Variants in WDR33 observed in about 807,000 individuals in gnomAD.
The protein encoded by WDR33 is WD repeat domain 33, also known as pre-mRNA 3' end processing protein WDR33.
Under a neutral mutation model 164.9 loss-of-function variants are expected in WDR33, and 47 were observed. The ratio of observed to expected loss-of-function variants is 0.29; its 90% CI spans 0.23 to 0.36. The LOEUF (loss-of-function observed/expected upper bound fraction) is 0.36. WDR33 is among the 10% of genes least tolerant of loss of function. WDR33 has a pLI of 1.00. For synonymous variants in WDR33, 505 were observed against 589.0 expected, an observed-to-expected ratio of 0.86 and a Z score of 2.06; for missense variants, 1,137 against 1,754.1, an observed-to-expected ratio of 0.65 and a Z score of 6.28.
Position 127,712,874 on chromosome 2 carries a change from C to T in WDR33, c.3308+709G>A, listed in dbSNP as rs1686214552. Among the ~76,000 whole-genome samples, 1 of 152,194 alleles carries T rather than the reference C, an allele frequency of 6.6e-6. No homozygotes were observed. Among genetic ancestry groups the T allele is most frequent in the Admixed American group, 6.5e-5 (1 of 15,278 alleles). Reference sequence around the variant, plus strand: ...GCCTCAGCTGATCCTCCCACCTCAGCTTCCTGAGTAGCTAGGACTACAGGC... The same window carrying T: ...GCCTCAGCTGATCCTCCCACCTCAGTTTCCTGAGTAGCTAGGACTACAGGC... On this transcript the variant is annotated intron_variant, in intron 18 of 21. Coordinates refer to ENST00000322313, the MANE Select transcript of WDR33 (RefSeq NM_018383.5). This position sits in a 1 kb window ranked among gnomAD's most constrained non-coding sequence, Gnocchi z 4.0.
intron 7 of WDR33, among the ~76,000 whole-genome samples, chr2:127,761,105 T>C (rs1020623045): frequency 5.3e-5 from 8 of 152,236 alleles, no homozygotes; most frequent in Admixed American, 1.3e-4. Context: ...CGTTATCACA[T>C]AGATTTCCTT....
rs1196128883 is a variant in WDR33, at chr2:127,708,980, G to A, written c.3566-88C>T. ...ACACTGTGAGAGTAAGGAGCAACTC[G>A]AGAGCCACCGTTCACTCATGCTGAA... On this transcript the variant is annotated intron_variant, in intron 20 of 21. Transcript: ENST00000322313. This position sits in a 1 kb window ranked among gnomAD's most constrained non-coding sequence, Gnocchi z 6.7. 17 of 1,346,348 alleles carry A rather than the reference G, an allele frequency of 1.3e-5. No individual in the cohort carries two copies. In the East Asian group the frequency reaches 3.1e-4, roughly 25 times the overall value. The allele number at this position is 1,346,348 out of a possible 1,614,324, so 83.4% of individuals were successfully genotyped here. A position where few individuals can be genotyped will look rare whatever the true frequency, so the allele number is the denominator to read the frequency against.
In WDR33 at chr2:127,721,819, T is replaced by C; in HGVS notation, c.1671+17A>G. On this transcript the variant is annotated intron_variant, in intron 15 of 21. Transcript: ENST00000322313. The surrounding 1 kb of genome is among the most constrained non-coding windows in gnomAD (Gnocchi z 4.9). ...TCTTAGATCATCTTGAATTCCCCCC[T>C]ACAGAGCTTCACACACCTCCAGAAG... 6.2e-7 allele frequency: 1 copy of C among 1,603,780 alleles called. No homozygotes were observed. Among genetic ancestry groups the C allele is most frequent in the Non-Finnish European group, 8.5e-7 (1 of 1,176,388 alleles).
At chr2:127,791,403 C>A (rs910599918) in intron 1 of WDR33, among the ~76,000 whole-genome samples, 2 of 152,078 alleles carry the variant, frequency 1.3e-5, no homozygotes, top group African/African-American at 4.8e-5. Context: ...TGGCTTTAAA[C>A]CACAGAAATT....
At chr2:127,795,642 A>G (rs1689010074) in intron 1 of WDR33, among the ~76,000 whole-genome samples, 1 of 149,414 alleles carries the variant, frequency 6.7e-6, no homozygotes, top group Admixed American at 6.7e-5. Flanking sequence ...GCAACATGGC[A>G]AAACCTCCTT....
Position 127,709,640 on chromosome 2 carries a change from G to C in WDR33, c.3472+53C>G. 6.2e-7 allele frequency: 1 copy of C among 1,613,656 alleles called. No individual in the cohort carries two copies. Among genetic ancestry groups the C allele is most frequent in the Non-Finnish European group, 8.5e-7 (1 of 1,179,562 alleles). The stretch of plus-strand genomic sequence containing the variant: ...ACTGTTCCTGGTGTATTCACAACCA[G>C]TGTATTCTGCACCCTATCCTTCCAG... On this transcript the variant is annotated intron_variant, in intron 19 of 21. Transcript: ENST00000322313. This position sits in a 1 kb window ranked among gnomAD's most constrained non-coding sequence, Gnocchi z 5.0.
At chr2:127,747,167 C>T (rs952029167) in intron 7 of WDR33, among the ~76,000 whole-genome samples, 4 of 152,170 alleles carry the variant, frequency 2.6e-5, no homozygotes, top group African/African-American at 9.7e-5. Flanking sequence ...ATTCTGGCAT[C>T]TACACAATTT....
intron 7 of WDR33, among the ~76,000 whole-genome samples, chr2:127,750,856 A>AT (rs1274630165): frequency 6.7e-6 from 1 of 150,274 alleles, no homozygotes; most frequent in Non-Finnish European, 1.5e-5. Flanking sequence ...GTAAAAATAA[A>AT]TAAAACAGCT....
chr2:127,741,689 C>A lies in WDR33; in HGVS notation c.725-14912G>T, dbSNP rs1006540607. ...GCGTTATTTGAGAAAAAGCAAGTAC[C>A]AGGAAAGAGAAAAATACAGATTATA... On this transcript the variant is annotated intron_variant, in intron 7 of 21. Transcript: ENST00000322313. The surrounding 1 kb of genome is among the most constrained non-coding windows in gnomAD (Gnocchi z 4.1). 3.9e-5 allele frequency among the ~76,000 whole-genome samples: 6 copies of A among 152,100 alleles called. No homozygotes were observed. The highest frequency in any genetic ancestry group is 1.4e-4 in the African/African-American group (6 of 41,426).
At chr2:127,751,536 G>A (rs1037637600) in intron 7 of WDR33, among the ~76,000 whole-genome samples, 1 of 150,020 alleles carries the variant, frequency 6.7e-6, no homozygotes, top group Non-Finnish European at 1.5e-5. Context: ...GGGCAACAGA[G>A]CGAAATCCTG....
At chr2:127,711,781 T>TA (rs1491108798) in intron 18 of WDR33, among the ~76,000 whole-genome samples, 2,324 of 93,162 alleles carry the variant, frequency 0.025, 40 homozygotes, top group Non-Finnish European at 0.03. Context: ...TATATATATA[T>TA]TTTTTTTTTG....
At position 127,719,329 on chromosome 2, in the gene WDR33, G is replaced by A. The variant is rs956788436; in HGVS notation, c.2696C>T (p.Pro899Leu). 30 of 1,487,768 alleles carry A rather than the reference G, an allele frequency of 2.0e-5. No individual in the cohort carries two copies. The highest frequency in any genetic ancestry group is 2.5e-5 in the Non-Finnish European group (28 of 1,117,662). 92.2% of individuals were successfully genotyped at this position (1,487,768 alleles called of 1,614,324 possible). The stretch of plus-strand genomic sequence containing the variant: ...CGTTTTCTGTTGCTGGAATGGTATT[G>A]GCCCTTGAGATGGATGTGGCCCTCT... Reference protein sequence around the residue: ...PARGPHPSQGPIPFQQQKTPL... With the variant: ...PARGPHPSQGLIPFQQQKTPL... The change falls in exon 16 of 22, where the codon CCA (proline) becomes CTA (leucine). Residue 899 changes from proline (P) to leucine (L), a missense_variant. Pro to Leu is a moderately conservative substitution (Grantham distance 98). This residue lies in a region of WDR33 where 867 missense variants were observed against 1,073.0 expected (regional missense o/e 0.81). Transcript: ENST00000322313. This position sits in a 1 kb window ranked among gnomAD's most constrained non-coding sequence, Gnocchi z 6.5.
rs188066114 is a variant in WDR33 at position 127,785,044 on chromosome 2, A to C, written c.-23-14040T>G. Among the ~76,000 whole-genome samples the C allele has an allele frequency of 1.2e-4, 18 of 152,310 alleles. No homozygotes were observed. The East Asian group carries it at 3.5e-3, about 29-fold the overall frequency. ...AGCTCAGATTTTTATCACTGGCAACAAATACTGTTTTCCTTGAATCAACAG... is the reference window on the plus strand; with the variant it reads ...AGCTCAGATTTTTATCACTGGCAACCAATACTGTTTTCCTTGAATCAACAG... On this transcript the variant is annotated intron_variant, in intron 1 of 21. Transcript: ENST00000322313.
chr2:127,712,154 G>T lies in WDR33; in HGVS notation c.3308+1429C>A, dbSNP rs1031295055. Among the ~76,000 whole-genome samples the T allele has an allele frequency of 6.6e-6, 1 of 151,924 alleles. No homozygotes were observed. The highest frequency in any genetic ancestry group is 1.5e-5 in the Non-Finnish European group (1 of 67,928). Reference sequence around the variant, plus strand: ...CTCACGCCTATAATCCCTGCACTCTGGGGGGGCTGAAGAACGTGGATCACT... The same window carrying T: ...CTCACGCCTATAATCCCTGCACTCTTGGGGGGCTGAAGAACGTGGATCACT... On this transcript the variant is annotated intron_variant, in intron 18 of 21. Coordinates refer to ENST00000322313, the MANE Select transcript of WDR33 (RefSeq NM_018383.5). This position sits in a 1 kb window ranked among gnomAD's most constrained non-coding sequence, Gnocchi z 4.0.
chr2:127,774,008 T>G (rs1430398842), intron 1 of WDR33, among the ~76,000 whole-genome samples: 1 of 150,344 alleles, frequency 6.7e-6, no homozygotes, highest in Non-Finnish European at 1.5e-5. Flanking sequence ...CCAAAAGTGC[T>G]GGGATTACAG....
Position 127,763,246 on chromosome 2 carries a change from T to C in WDR33, c.627-87A>G. On this transcript the variant is annotated intron_variant, in intron 6 of 21. Transcript: ENST00000322313. The surrounding 1 kb of genome is among the most constrained non-coding windows in gnomAD (Gnocchi z 4.5). Reference sequence around the variant, plus strand: ...CTCAGACAGGGAAAAATAAAAACACTGTGCTGCATTATAAACAGGAGAGGG... The same window carrying C: ...CTCAGACAGGGAAAAATAAAAACACCGTGCTGCATTATAAACAGGAGAGGG... The C allele has an allele frequency of 6.3e-7, 1 of 1,596,258 alleles. No individual in the cohort carries two copies. Among genetic ancestry groups the C allele is most frequent in the Non-Finnish European group, 8.5e-7 (1 of 1,170,116 alleles).
intron 1 of WDR33, among the ~76,000 whole-genome samples, chr2:127,797,290 G>A (rs887796608): frequency 1.3e-5 from 2 of 151,970 alleles, no homozygotes; most frequent in Non-Finnish European, 2.9e-5. Context: ...TCAGAAGTTC[G>A]ATACCAGCCT....
intron 1 of WDR33, among the ~76,000 whole-genome samples, chr2:127,773,128 CCT>C (rs1558948396): frequency 6.6e-6 from 1 of 152,060 alleles, no homozygotes. Context: ...AGAACAAGAC[CCT>C]GTCTCCAAAA....
chr2:127,801,517 C>T (rs532745970), intron 1 of WDR33, among the ~76,000 whole-genome samples: 3,194 of 105,638 alleles, frequency 0.03, 117 homozygotes, highest in African/African-American at 0.19. Context: ...ACAAAAAACA[C>T]ACAACAAAAA....
Sources: gnomAD v4.1 joint callset for allele counts (sites outside exome capture counted in the v4.1 genomes callset) on GRCh38, gnomAD v4.1.1 for gene constraint, gnomAD v4.1.1 regional missense constraint, Gnocchi (gnomAD v3.1) non-coding constraint, MANE v1.5 for transcripts, NCBI Gene and HGNC (gene_info 2026-07-23, HGNC 2026-07-21) for gene names.